The following GALNT14 variants were observed in gnomAD, a reference collection of about 807,000 sequenced individuals.
GALNT14 encodes UDP-GalNAc:polypeptide N-acetylgalactosaminyltransferase 14.
Under a neutral mutation model 77.5 loss-of-function variants are expected in GALNT14, and 60 were observed. That is an observed-to-expected ratio of 0.77 (90% CI 0.63 to 0.96). The LOEUF (loss-of-function observed/expected upper bound fraction) is 0.96, where lower values mean the gene tolerates loss of function less well. Ranked by LOEUF, GALNT14 falls within the 40% of genes least tolerant of loss-of-function variation. The pLI, the probability that GALNT14 is intolerant of heterozygous loss-of-function variation, is 0.00. For missense variants in GALNT14, 710 were observed against 731.0 expected (o/e 0.97, Z 0.33); for synonymous variants, 280 against 281.7 (o/e 0.99, Z 0.06).
chr2:30,904,919 C>A, the GALNT14 span, among the ~76,000 whole-genome samples: 1,061 of 152,022 alleles, frequency 7.0e-3, 19 homozygotes, highest in African/African-American at 0.024. Flanking sequence ...CCCTGAGCAG[C>A]CTAACTGGGA....
intron 1 of GALNT14, among the ~76,000 whole-genome samples, chr2:31,025,609 G>C (rs866138395): frequency 2.6e-5 from 4 of 152,220 alleles, no homozygotes; most frequent in Admixed American, 2.0e-4. Flanking sequence ...GAAGAGACCA[G>C]AGACCAAGAG....
chr2:31,130,830 A>G (rs1678960626), intron 1 of GALNT14, among the ~76,000 whole-genome samples: 1 of 147,038 alleles, frequency 6.8e-6, no homozygotes. Flanking sequence ...GTGTGTGTTC[A>G]TGTTCTTCGG....
At chr2:30,947,903 C>G (rs1264964479) in intron 6 of GALNT14, among the ~76,000 whole-genome samples, 1 of 152,190 alleles carries the variant, frequency 6.6e-6, no homozygotes. Flanking sequence ...GAAAGAAATG[C>G]TCATTTTCAA....
intron 9 of GALNT14, among the ~76,000 whole-genome samples, chr2:30,933,793 G>A (rs763404154): frequency 2.0e-5 from 3 of 152,250 alleles, no homozygotes; most frequent in Non-Finnish European, 2.9e-5. Context: ...TGGGAAACCT[G>A]CTTAAGCTCG....
intron 1 of GALNT14, among the ~76,000 whole-genome samples, chr2:31,095,708 T>C (rs1676967079): frequency 6.6e-6 from 1 of 152,152 alleles, no homozygotes. Context: ...TTGAATATAT[T>C]ATATTCAACA....
intron 1 of GALNT14, among the ~76,000 whole-genome samples, chr2:31,068,521 A>AAG (rs1553371634): frequency 2.6e-5 from 4 of 151,552 alleles, no homozygotes; most frequent in Admixed American, 2.0e-4. Flanking sequence ...AAAAAAAAAA[A>AAG]AAAAGAAAAG....
intron 1 of GALNT14, among the ~76,000 whole-genome samples, chr2:31,130,371 T>C (rs1678916429): frequency 6.6e-6 from 1 of 152,172 alleles, no homozygotes; most frequent in African/African-American, 2.4e-5. Flanking sequence ...GTTGGGCTTC[T>C]ACAGAGCAGA....
intron 1 of GALNT14, among the ~76,000 whole-genome samples, chr2:31,044,352 A>G (rs981228899): frequency 5.9e-5 from 9 of 152,206 alleles, no homozygotes; most frequent in African/African-American, 2.2e-4. Flanking sequence ...TGAGGTTCAC[A>G]TTCAAAGCAA....
At chr2:30,960,876 G>A (rs1473876106) in intron 3 of GALNT14, among the ~76,000 whole-genome samples, 2 of 152,220 alleles carry the variant, frequency 1.3e-5, no homozygotes, top group African/African-American at 4.8e-5. Context: ...CACTCCAGCT[G>A]CCTTCCCCAC....
intron 1 of GALNT14, among the ~76,000 whole-genome samples, chr2:31,106,562 C>T (rs1166962192): frequency 6.6e-6 from 1 of 152,166 alleles, no homozygotes; most frequent in Non-Finnish European, 1.5e-5. Context: ...TCTGCCAGCT[C>T]ACATTTCACC....
chr2:30,903,608 T>A, the GALNT14 span, among the ~76,000 whole-genome samples: 1 of 152,218 alleles, frequency 6.6e-6, no homozygotes, highest in Non-Finnish European at 1.5e-5. Flanking sequence ...TTGGAACAGA[T>A]CCTGCTCTAG....
At position 31,136,588 on chromosome 2, in the gene GALNT14, C is replaced by T. The variant is rs189968000; in HGVS notation, c.129+1370G>A. 3.2e-4 allele frequency among the ~76,000 whole-genome samples: 49 copies of T among 152,276 alleles called. No homozygotes were observed. In the East Asian group the frequency reaches 9.3e-3, roughly 29 times the overall value. On this transcript the variant is annotated intron_variant, in intron 1 of 14. Coordinates refer to ENST00000349752, the MANE Select transcript of GALNT14 (RefSeq NM_024572.4). ...TCTACCCATAGCACCTAACACACTG[C>T]CTGAGCACACAATAGGTGCTAAATA...
At position 31,103,026 on chromosome 2, in the gene GALNT14, G is replaced by A. The variant is rs141397510; in HGVS notation, c.129+34932C>T. On this transcript the variant is annotated intron_variant, in intron 1 of 14. Coordinates refer to ENST00000349752, the MANE Select transcript of GALNT14 (RefSeq NM_024572.4). ...CCTTCCTGTATCACTTTCCTTTAGG[G>A]GCATCTCTATAAACAACTTAGAATT... Among the ~76,000 whole-genome samples, 1,084 of 151,816 alleles carry A rather than the reference G, an allele frequency of 7.1e-3. 9 individuals carry two copies. Among genetic ancestry groups the A allele is most frequent in the South Asian group, 0.02 (98 of 4,798 alleles).
intron 1 of GALNT14, among the ~76,000 whole-genome samples, chr2:31,111,810 T>C (rs1677849346): frequency 6.6e-6 from 1 of 152,194 alleles, no homozygotes; most frequent in Non-Finnish European, 1.5e-5. Context: ...CTATGCAAGA[T>C]GAATTTCAAT....
chr2:31,119,851 G>A (rs988608283), intron 1 of GALNT14, among the ~76,000 whole-genome samples: 2 of 152,164 alleles, frequency 1.3e-5, no homozygotes, highest in African/African-American at 4.8e-5. Flanking sequence ...AGAATATTAT[G>A]CAGTCATTAA....
At chr2:31,082,626 T>TA (rs1250874194) in intron 1 of GALNT14, among the ~76,000 whole-genome samples, 2 of 152,204 alleles carry the variant, frequency 1.3e-5, no homozygotes, top group African/African-American at 4.8e-5. Flanking sequence ...ATCTACCTCG[T>TA]AAAAAATTGT....
chr2:30,932,485 C>T (rs1665798383), intron 9 of GALNT14, among the ~76,000 whole-genome samples: 1 of 152,218 alleles, frequency 6.6e-6, no homozygotes, highest in South Asian at 2.1e-4. Context: ...GCTGCAACTT[C>T]TTAGCCTGGA....
chr2:31,078,601 C>T (rs1675957900), intron 1 of GALNT14, among the ~76,000 whole-genome samples: 1 of 152,140 alleles, frequency 6.6e-6, no homozygotes, highest in Non-Finnish European at 1.5e-5. Flanking sequence ...CAAATCAATC[C>T]CATTCACCTT....
intron 1 of GALNT14, among the ~76,000 whole-genome samples, chr2:31,085,220 A>G (rs899103721): frequency 2.0e-5 from 3 of 152,094 alleles, no homozygotes; most frequent in Admixed American, 2.0e-4. Flanking sequence ...CTGACTCGAA[A>G]TCTCCATGCC....
Sources: gnomAD v4.1 joint callset for allele counts (sites outside exome capture counted in the v4.1 genomes callset) on GRCh38, gnomAD v4.1.1 for gene constraint, MANE v1.5 for transcripts, NCBI Gene and HGNC (gene_info 2026-07-23, HGNC 2026-07-21) for gene names.